The following MCUR1 variants were observed in gnomAD, a reference collection of about 807,000 sequenced individuals.
The protein encoded by MCUR1 is mitochondrial calcium uniporter regulator 1.
MCUR1 carries 37 observed loss-of-function variants against 42.0 expected under a neutral mutation model. The observed-to-expected ratio is 0.88, with a 90% confidence interval of 0.68 to 1.16. The LOEUF (loss-of-function observed/expected upper bound fraction) is 1.16, where lower values mean the gene tolerates loss of function less well. Ranked by LOEUF, MCUR1 falls within the 50% of genes most tolerant of loss-of-function variation. The probability of loss-of-function intolerance (pLI) is 0.00; values close to 1 mark genes in which losing one functional copy is unlikely to be tolerated. For missense variants in MCUR1, 469 were observed against 468.4 expected, an observed-to-expected ratio of 1.00 and a Z score of -0.01; for synonymous variants, 229 against 196.2, an observed-to-expected ratio of 1.17 and a Z score of -1.40.
chr6:13,810,915 C>T (rs756216320), intron 1 of MCUR1, among the ~76,000 whole-genome samples: 8 of 152,196 alleles, frequency 5.3e-5, no homozygotes, highest in Non-Finnish European at 1.2e-4. Flanking sequence ...CATACAAAGC[C>T]CTTGCTATTT....
chr6:13,812,816 G>A (rs1357770658), intron 1 of MCUR1, among the ~76,000 whole-genome samples: 1 of 152,158 alleles, frequency 6.6e-6, no homozygotes, highest in Non-Finnish European at 1.5e-5. Flanking sequence ...TGATAATTTT[G>A]CCAAGTCTGT....
At chr6:13,812,410 C>A (rs990214044) in intron 1 of MCUR1, among the ~76,000 whole-genome samples, 2 of 152,194 alleles carry the variant, frequency 1.3e-5, no homozygotes, top group South Asian at 2.1e-4. Flanking sequence ...ATAGCTGACA[C>A]TAAAACAACA....
intron 1 of MCUR1, among the ~76,000 whole-genome samples, chr6:13,811,533 A>G (rs1760234401): frequency 6.6e-6 from 1 of 152,106 alleles, no homozygotes; most frequent in Non-Finnish European, 1.5e-5. Flanking sequence ...CCATGAGAAG[A>G]GACCCAGGAT....
chr6:13,806,268 A>G (rs1240205432), intron 2 of MCUR1, among the ~76,000 whole-genome samples: 1 of 151,680 alleles, frequency 6.6e-6, no homozygotes, highest in Non-Finnish European at 1.5e-5. Flanking sequence ...AAAGAAAGAA[A>G]AAGAAAAAAG....
intron 7 of MCUR1, 108 bp downstream of exon 7, chr6:13,793,786 T>A: frequency 1.1e-6 from 1 of 933,798 alleles, no homozygotes; most frequent in Non-Finnish European, 1.7e-6. Flanking sequence ...AAAATTCCCA[T>A]GACAGTAAAC....
intron 1 of MCUR1, among the ~76,000 whole-genome samples, chr6:13,812,681 C>T (rs1438083833): frequency 6.6e-6 from 1 of 152,192 alleles, no homozygotes; most frequent in African/African-American, 2.4e-5. Flanking sequence ...TCAGTTTTTA[C>T]CCCAGCCAAT....
intron 1 of MCUR1, among the ~76,000 whole-genome samples, chr6:13,808,691 T>C (rs1379056743): frequency 2.6e-5 from 4 of 152,210 alleles, no homozygotes; most frequent in African/African-American, 7.2e-5. Context: ...GTGTTTTAAA[T>C]GGTGTGTGGT....
intron 2 of MCUR1, among the ~76,000 whole-genome samples, chr6:13,806,008 C>T (rs1183804377): frequency 2.6e-5 from 4 of 152,130 alleles, no homozygotes; most frequent in Non-Finnish European, 2.9e-5. Flanking sequence ...GTAATCCCAG[C>T]ACTTTAGGAG....
At position 13,787,651 on chromosome 6, in the gene MCUR1, G is replaced by T. The variant is rs1759632690; in HGVS notation, c.*3158C>A. 1 of 152,140 alleles carries T rather than the reference G, an allele frequency of 6.6e-6. No homozygotes were observed. Among genetic ancestry groups the T allele is most frequent in the Non-Finnish European group, 1.5e-5 (1 of 68,042 alleles). 9.4% of individuals were successfully genotyped at this position (152,140 alleles called of 1,614,324 possible). On this transcript the variant is annotated 3_prime_UTR_variant, in exon 9 of 9. Coordinates refer to ENST00000379170, the MANE Select transcript of MCUR1 (RefSeq NM_001031713.4). ...GGAAATACAGACGTTCCGTCCATGTGAGATTCTGCTTCAGGTATTGGACAT... is the reference window on the plus strand; with the variant it reads ...GGAAATACAGACGTTCCGTCCATGTTAGATTCTGCTTCAGGTATTGGACAT...
chr6:13,806,792 ATAAAT>A, intron 2 of MCUR1, 128 bp downstream of exon 2: 1 of 1,127,210 alleles, frequency 8.9e-7, no homozygotes, highest in Non-Finnish European at 1.2e-6. Context: ...CTGTCTCTAA[ATAAAT>A]TAATTAATTA....
Position 13,814,054 on chromosome 6 carries a change from A to G in MCUR1, c.376T>C (p.Tyr126His), listed in dbSNP as rs929384946. Residue 126 changes from tyrosine to histidine, a missense_variant, in exon 1 of 9, where the codon TAC (tyrosine) becomes CAC (histidine). Transcript: ENST00000379170. Reference sequence around the variant, plus strand: ...ACGAGTGCAGGCGCCGGGCCGTGGTACTGGGGAAGGGCGCCGGCGGCAGCG... The same window carrying G: ...ACGAGTGCAGGCGCCGGGCCGTGGTGCTGGGGAAGGGCGCCGGCGGCAGCG... ...VAAAAGALPQ[Y>H]HGPAPALVSC... 2 of 1,238,772 alleles carry G rather than the reference A, an allele frequency of 1.6e-6. No homozygotes were observed. Among genetic ancestry groups the G allele is most frequent in the Non-Finnish European group, 2.0e-6 (2 of 993,030 alleles). 76.7% of individuals were successfully genotyped at this position (1,238,772 alleles called of 1,614,324 possible).
rs1306378568 is a variant in MCUR1, at chr6:13,814,542, A to G, written c.-113T>C. 2 of 1,079,262 alleles carry G rather than the reference A, an allele frequency of 1.9e-6. No individual in the cohort carries two copies. Among genetic ancestry groups the G allele is most frequent in the Non-Finnish European group, 2.3e-6 (2 of 870,690 alleles). 66.9% of individuals were successfully genotyped at this position (1,079,262 alleles called of 1,614,324 possible). ...CGGGAGCGAGCGTGGGCCACAGCGC[A>G]GGACCGCCCTTTCCTGCCGGGCGCG... On this transcript the variant is annotated 5_prime_UTR_variant, in exon 1 of 9. Coordinates refer to ENST00000379170, the MANE Select transcript of MCUR1 (RefSeq NM_001031713.4).
rs756438537 is a variant in MCUR1 at position 13,798,738 on chromosome 6, C to T, written c.855+95G>A. 8.7e-6 allele frequency: 7 copies of T among 806,390 alleles called. No individual in the cohort carries two copies. The South Asian group carries it at 9.6e-5, about 11-fold the overall frequency. The allele number at this position is 806,390 out of a possible 1,614,324, so 50.0% of individuals were successfully genotyped here. A position where few individuals can be genotyped will look rare whatever the true frequency, so the allele number is the denominator to read the frequency against. On this transcript the variant is annotated intron_variant, in intron 6 of 8. Transcript: ENST00000379170. ...CACTGATAAACAGATAAATATTTAA[C>T]AGTACCTATGACATGTACATAAACT... is the stretch of plus-strand genomic sequence containing the variant.
Position 13,798,825 on chromosome 6 carries a change from G to T in MCUR1, c.855+8C>A. On this transcript the variant is annotated splice_region_variant and intron_variant, in intron 6 of 8. Transcript: ENST00000379170. ...AATTCATAATGTGTTTTTAGTAAAGGAACGTACCAATTCTTTTACTCTGCT... is the reference window on the plus strand; with the variant it reads ...AATTCATAATGTGTTTTTAGTAAAGTAACGTACCAATTCTTTTACTCTGCT... 2 of 1,606,710 alleles carry T rather than the reference G, an allele frequency of 1.2e-6. No homozygotes were observed. Among genetic ancestry groups the T allele is most frequent in the South Asian group, 2.2e-5 (2 of 90,462 alleles).
intron 5 of MCUR1, among the ~76,000 whole-genome samples, chr6:13,799,865 CTT>C (rs1329233823): frequency 1.5e-5 from 1 of 68,736 alleles, no homozygotes; most frequent in Non-Finnish European, 2.8e-5. Context: ...CAGTTTCGTT[CTT>C]GTTACCACGG....
chr6:13,807,814 T>G (rs990134448), intron 1 of MCUR1, among the ~76,000 whole-genome samples: 2 of 152,246 alleles, frequency 1.3e-5, no homozygotes, highest in Non-Finnish European at 2.9e-5. Context: ...TAAAAAATTA[T>G]AGTCATCCTA....
At position 13,796,840 on chromosome 6, in the gene MCUR1, G is replaced by GT. The variant is rs1759867896; in HGVS notation, c.855+1992dup. 2.0e-5 allele frequency among the ~76,000 whole-genome samples: 3 copies of GT among 152,204 alleles called. No homozygotes were observed. The South Asian group carries it at 6.2e-4, about 32-fold the overall frequency. The stretch of plus-strand genomic sequence containing the variant: ...ATGTCCTTGATGTAGTTTTTCCCAG[G>GT]TTGGTTAGCTACACACAGTCATTTT... On this transcript the variant is annotated intron_variant, in intron 6 of 8. Coordinates refer to ENST00000379170, the MANE Select transcript of MCUR1 (RefSeq NM_001031713.4).
intron 4 of MCUR1, among the ~76,000 whole-genome samples, chr6:13,800,685 A>G (rs1759970787): frequency 6.6e-6 from 1 of 152,220 alleles, no homozygotes; most frequent in African/African-American, 2.4e-5. Flanking sequence ...ACTGATTTCA[A>G]GAACAACCTA....
rs1760302766 is a variant in MCUR1, at chr6:13,814,056, TG to T, written c.373del (p.Gln125SerfsTer16). 1 of 1,238,814 alleles carries T rather than the reference TG, an allele frequency of 8.1e-7. No individual in the cohort carries two copies. Among genetic ancestry groups the T allele is most frequent in the Middle Eastern group, 2.4e-4 (1 of 4,254 alleles). 76.7% of individuals were successfully genotyped at this position (1,238,814 alleles called of 1,614,324 possible). On this transcript the variant is annotated frameshift_variant, in exon 1 of 9. Transcript: ENST00000379170. LOFTEE classifies it high-confidence loss of function. ...GAGTGCAGGCGCCGGGCCGTGGTAC[TG>T]GGGAAGGGCGCCGGCGGCAGCGGCG... ...GVAAAAGALP[Q>X]YHGPAPALVS...
Sources: allele counts gnomAD v4.1 joint callset (sites outside exome capture counted in the v4.1 genomes callset), GRCh38; gene constraint gnomAD v4.1.1; transcripts MANE v1.5; gene names NCBI Gene and HGNC (gene_info 2026-07-23, HGNC 2026-07-21).